The following ANKS1B variants were observed in gnomAD, a reference collection of about 807,000 sequenced individuals.
ANKS1B encodes the protein ankyrin repeat and sterile alpha motif domain-containing protein 1B.
A neutral mutation model predicts 148.3 loss-of-function variants in ANKS1B; 36 were observed. The ratio of observed to expected loss-of-function variants is 0.24; its 90% CI spans 0.19 to 0.32. ANKS1B has a LOEUF of 0.32. Among genes scored for constraint, ANKS1B ranks in the 10% least tolerant of loss-of-function variants. The probability of loss-of-function intolerance (pLI) is 1.00; values close to 1 mark genes in which losing one functional copy is unlikely to be tolerated. For synonymous variants in ANKS1B, 542 were observed against 560.8 expected (o/e 0.97, Z 0.47); for missense variants, 1,157 against 1,542.6 (o/e 0.75, Z 4.19).
chr12:99,356,936 CT>C (rs11406224), intron 12 of ANKS1B, among the ~76,000 whole-genome samples: 78 of 146,004 alleles, frequency 5.3e-4, no homozygotes, highest in East Asian at 1.2e-3. Context: ...TTCTTCTAGA[CT>C]TTTTTTTTTT....
At chr12:99,928,514 A>G (rs2094532189) in intron 1 of ANKS1B, among the ~76,000 whole-genome samples, 1 of 151,452 alleles carries the variant, frequency 6.6e-6, no homozygotes, top group East Asian at 1.9e-4. Context: ...TCCTGACCTC[A>G]TGATCCACCC....
intron 1 of ANKS1B, among the ~76,000 whole-genome samples, chr12:99,839,834 T>C (rs1200264066): frequency 1.3e-5 from 2 of 152,050 alleles, no homozygotes; most frequent in Non-Finnish European, 2.9e-5. Flanking sequence ...TCTATTGCCT[T>C]GTTATTTTAA....
chr12:99,445,106 G>A (rs1024195461), intron 10 of ANKS1B, among the ~76,000 whole-genome samples: 30 of 151,936 alleles, frequency 2.0e-4, no homozygotes, highest in Non-Finnish European at 4.4e-4. Context: ...AGAAAAGGTG[G>A]GATTTGAATT....
chr12:99,728,171 T>C (rs546480388), intron 8 of ANKS1B, among the ~76,000 whole-genome samples: 49 of 152,114 alleles, frequency 3.2e-4, no homozygotes, highest in African/African-American at 1.2e-3. Flanking sequence ...CAAAAGAAAC[T>C]ATCATCAGAG....
intron 9 of ANKS1B, among the ~76,000 whole-genome samples, chr12:99,574,900 G>T (rs184519693): frequency 6.6e-6 from 1 of 151,944 alleles, no homozygotes. Flanking sequence ...ATTTACCATC[G>T]TGCCAGAGGT....
chr12:99,218,393 T>C (rs1353161881), intron 14 of ANKS1B, among the ~76,000 whole-genome samples: 1 of 152,194 alleles, frequency 6.6e-6, no homozygotes, highest in Non-Finnish European at 1.5e-5. Flanking sequence ...CAGAACATTA[T>C]GAGATTCTTT....
intron 12 of ANKS1B, among the ~76,000 whole-genome samples, chr12:99,325,982 G>T (rs554857618): frequency 3.3e-5 from 5 of 152,034 alleles, no homozygotes; most frequent in Non-Finnish European, 7.4e-5. Flanking sequence ...AGAAAGCAAA[G>T]CACCTTCTTC....
At chr12:99,071,252 A>C (rs941844988) in intron 16 of ANKS1B, among the ~76,000 whole-genome samples, 1 of 152,232 alleles carries the variant, frequency 6.6e-6, no homozygotes, top group Non-Finnish European at 1.5e-5. Flanking sequence ...TTGGGACATA[A>C]GTAAATGCTC....
chr12:99,412,070 TTTTC>T (rs1167331187), intron 11 of ANKS1B, among the ~76,000 whole-genome samples: 3 of 152,180 alleles, frequency 2.0e-5, no homozygotes, highest in Non-Finnish European at 4.4e-5. Context: ...TTTTAAAAAC[TTTTC>T]TTTTTTTTCA....
At chr12:99,939,695 T>C (rs1488730) in intron 1 of ANKS1B, among the ~76,000 whole-genome samples, 92,484 of 152,050 alleles carry the variant, frequency 0.61, 29,322 homozygotes, top group African/African-American at 0.7. Context: ...TTATTCAACA[T>C]TGAGAAGCAG....
At chr12:99,184,389 T>C (rs1227839781) in intron 14 of ANKS1B, among the ~76,000 whole-genome samples, 1 of 152,140 alleles carries the variant, frequency 6.6e-6, no homozygotes, top group Non-Finnish European at 1.5e-5. Context: ...AGGTACAGTT[T>C]AGCTCCATTT....
chr12:99,659,043 AG>A (rs1019317582), intron 8 of ANKS1B, among the ~76,000 whole-genome samples: 112 of 152,296 alleles, frequency 7.4e-4, no homozygotes, highest in African/African-American at 2.5e-3. Flanking sequence ...ACTAATATTA[AG>A]GGGTGTGTAT....
chr12:99,339,234 G>A (rs375397920), intron 12 of ANKS1B, among the ~76,000 whole-genome samples: 2 of 152,106 alleles, frequency 1.3e-5, no homozygotes, highest in Non-Finnish European at 2.9e-5. Flanking sequence ...CTCTGACTAG[G>A]GATGCTCTAA....
chr12:99,114,940 C>A (rs113901387), intron 15 of ANKS1B, among the ~76,000 whole-genome samples: 80 of 151,980 alleles, frequency 5.3e-4, no homozygotes, highest in African/African-American at 1.9e-3. Flanking sequence ...CATCTCACAC[C>A]AATCAAAATG....
At chr12:99,700,632 A>G (rs1237682955) in intron 8 of ANKS1B, among the ~76,000 whole-genome samples, 1 of 152,124 alleles carries the variant, frequency 6.6e-6, no homozygotes, top group African/African-American at 2.4e-5. Context: ...TTTCACTTAA[A>G]GCACTTTACA....
intron 17 of ANKS1B, chr12:99,048,697 A>G (rs1472627853): frequency 6.6e-6 from 1 of 152,618 alleles, no homozygotes; most frequent in African/African-American, 2.4e-5. Context: ...CAGAACATAT[A>G]TGAAAGGATT....
In ANKS1B at chr12:98,965,048, T is replaced by C. The variant is rs1568059473; in HGVS notation, c.2778+88109A>G. On this transcript the variant is annotated intron_variant, in intron 17 of 26. Transcript: ENST00000683438. ...TGCAATAATGCCTGTATCATGCCTGTATCAAAACATCTCATGTACCCCATA... is the reference window on the plus strand; with the variant it reads ...TGCAATAATGCCTGTATCATGCCTGCATCAAAACATCTCATGTACCCCATA... Among the ~76,000 whole-genome samples, 3 of 152,208 alleles carry C rather than the reference T, an allele frequency of 2.0e-5. No individual in the cohort carries two copies. In the East Asian group the frequency reaches 5.8e-4, roughly 29 times the overall value.
In ANKS1B at chr12:99,037,921, T is replaced by C. The variant is rs777908778; in HGVS notation, c.2778+15236A>G. 2.6e-5 allele frequency among the ~76,000 whole-genome samples: 4 copies of C among 152,160 alleles called. No individual in the cohort carries two copies. In the South Asian group the frequency reaches 6.2e-4, roughly 24 times the overall value. The stretch of plus-strand genomic sequence containing the variant: ...AGTGCCGTGACAAATAGCAGGTCAA[T>C]AGCTGAGGACACGTTGCCTGGTGTG... On this transcript the variant is annotated intron_variant, in intron 17 of 26. Coordinates refer to ENST00000683438, the MANE Select transcript of ANKS1B (RefSeq NM_001352186.2).
At chr12:99,800,079 T>A (rs904380361) in intron 4 of ANKS1B, among the ~76,000 whole-genome samples, 4 of 152,098 alleles carry the variant, frequency 2.6e-5, no homozygotes, top group Non-Finnish European at 5.9e-5. Context: ...ACTCACATGC[T>A]AAGGCCCTAA....
Sources: allele counts gnomAD v4.1 joint callset (sites outside exome capture counted in the v4.1 genomes callset), GRCh38; gene constraint gnomAD v4.1.1; transcripts MANE v1.5; gene names NCBI Gene and HGNC (gene_info 2026-07-23, HGNC 2026-07-21).